DGKD: variants seen among roughly 807,000 people sequenced by gnomAD.
DGKD encodes the protein diacylglycerol kinase delta, also known as DAG kinase delta.
DGKD carries 68 observed loss-of-function variants against 154.4 expected under a neutral mutation model. The observed-to-expected ratio is 0.44, with a 90% CI of 0.36 to 0.54. The LOEUF (loss-of-function observed/expected upper bound fraction) is 0.54. DGKD is among the 20% of genes least tolerant of loss of function. The probability of loss-of-function intolerance (pLI) is 0.00; values close to 1 mark genes in which losing one functional copy is unlikely to be tolerated. For synonymous variants in DGKD, 693 were observed against 638.0 expected (o/e 1.09, Z -1.30); for missense variants, 1,343 against 1,593.6 (o/e 0.84, Z 2.68).
Position 233,463,683 on chromosome 2 carries a change from ATCACCTCACTCCACG to A in DGKD, c.3187-480_3187-466del, listed in dbSNP as rs1288729248. On this transcript the variant is annotated intron_variant, in intron 26 of 29. Transcript: ENST00000264057. ...CTGCACGCATCTCCTCACTCCACGCATCACCTCACTCCACGCATCACCTCACTCCACAGAAATCCT... is the reference window on the plus strand; with the variant it reads ...CTGCACGCATCTCCTCACTCCACGCACATCACCTCACTCCACAGAAATCCT... 13 of 198,388 alleles carry A rather than the reference ATCACCTCACTCCACG, an allele frequency of 6.6e-5. 1 individual carries two copies. The highest frequency in any genetic ancestry group is 3.0e-4 in the African/African-American group (13 of 43,034). 12.3% of individuals were successfully genotyped at this position (198,388 alleles called of 1,614,324 possible).
At chr2:233,450,475 A>T (rs984577990) in intron 16 of DGKD, among the ~76,000 whole-genome samples, 1 of 151,986 alleles carries the variant, frequency 6.6e-6, no homozygotes, top group Non-Finnish European at 1.5e-5. Flanking sequence ...TGGCAGAGGG[A>T]AGGCGGGTGG....
intron 29 of DGKD, 48 bp downstream of exon 29, chr2:233,468,601 A>G (rs2063901498): frequency 6.2e-7 from 1 of 1,608,520 alleles, no homozygotes; most frequent in Non-Finnish European, 8.5e-7. Context: ...GCTTGCACGC[A>G]GCTCCCTTCT....
At chr2:233,393,683 G>GTTTTT (rs528368593) in intron 3 of DGKD, among the ~76,000 whole-genome samples, 1 of 128,390 alleles carries the variant, frequency 7.8e-6, no homozygotes, top group Non-Finnish European at 1.7e-5. Flanking sequence ...ATGTGTATTG[G>GTTTTT]TTTTTTTTTT....
chr2:233,461,316 C>T (rs535053432), intron 24 of DGKD, among the ~76,000 whole-genome samples: 54 of 152,370 alleles, frequency 3.5e-4, no homozygotes, highest in African/African-American at 4.1e-4. Flanking sequence ...CAGGTGCACC[C>T]GTCGGTTTTG....
rs2063945509 is a variant in DGKD, at chr2:233,469,608, T to C, written c.*148T>C. The C allele has an allele frequency of 7.5e-6, 5 of 666,166 alleles. No individual in the cohort carries two copies. The highest frequency in any genetic ancestry group is 2.6e-6 in the Non-Finnish European group (1 of 388,638). 41.3% of individuals were successfully genotyped at this position (666,166 alleles called of 1,614,324 possible). On this transcript the variant is annotated 3_prime_UTR_variant, in exon 30 of 30. Coordinates refer to ENST00000264057, the MANE Select transcript of DGKD (RefSeq NM_152879.3). ...CCTTCTCATGGTGCTACTTCCTCTG[T>C]CAGCTACAGAAAGCCTCCGTGACAC...
chr2:233,366,352 G>T (rs1702029251), intron 1 of DGKD, among the ~76,000 whole-genome samples: 2 of 150,798 alleles, frequency 1.3e-5, no homozygotes, highest in African/African-American at 5.0e-5. Context: ...CTGTGCTGTG[G>T]CTGTGGCGAT....
chr2:233,391,273 G>A (rs706848), intron 3 of DGKD, among the ~76,000 whole-genome samples: 95,245 of 151,894 alleles, frequency 0.63, 30,638 homozygotes, highest in African/African-American at 0.79. Context: ...TAAATGCACA[G>A]AATCATGTGA....
chr2:233,389,573 TAAAA>T (rs34888206), intron 2 of DGKD, among the ~76,000 whole-genome samples: 1 of 143,150 alleles, frequency 7.0e-6, no homozygotes, highest in Non-Finnish European at 1.5e-5. Context: ...TTCCCTCAAT[TAAAA>T]AAAAAAAAAA....
chr2:233,385,372 T>C (rs1703117604), intron 1 of DGKD, among the ~76,000 whole-genome samples: 1 of 152,132 alleles, frequency 6.6e-6, no homozygotes, highest in Non-Finnish European at 1.5e-5. Context: ...GTGTCTTGCC[T>C]GTGTTTGCTG....
Position 233,457,503 on chromosome 2 carries a change from C to G in DGKD, c.2580+175C>G. 2.9e-6 allele frequency: 2 copies of G among 687,968 alleles called. No individual in the cohort carries two copies. Among genetic ancestry groups the G allele is most frequent in the East Asian group, 5.6e-5 (2 of 35,986 alleles). 42.6% of individuals were successfully genotyped at this position (687,968 alleles called of 1,614,324 possible). A position where few individuals can be genotyped will look rare whatever the true frequency, so the allele number is the denominator to read the frequency against. Reference sequence around the variant, plus strand: ...CCCACCCAGCTCATCGTCTAGAGGGCTGAGCAGAGCAGTTGTGTCAGTGAA... The same window carrying G: ...CCCACCCAGCTCATCGTCTAGAGGGGTGAGCAGAGCAGTTGTGTCAGTGAA... On this transcript the variant is annotated intron_variant, in intron 21 of 29. Transcript: ENST00000264057. This position sits in a 1 kb window ranked among gnomAD's most constrained non-coding sequence, Gnocchi z 5.5.
chr2:233,415,483 G>C (rs1016729593), intron 3 of DGKD, among the ~76,000 whole-genome samples: 7 of 152,150 alleles, frequency 4.6e-5, no homozygotes, highest in African/African-American at 1.7e-4. Context: ...ATTTTAGCTA[G>C]GCCCTGCCAG....
chr2:233,454,864 A>G lies in DGKD; in HGVS notation c.2366A>G (p.Glu789Gly), dbSNP rs2063404618. 1 of 1,611,490 alleles carries G rather than the reference A, an allele frequency of 6.2e-7. No homozygotes were observed. Among genetic ancestry groups the G allele is most frequent in the East Asian group, 2.2e-5 (1 of 44,886 alleles). The change falls in exon 19 of 30, where the codon GAG becomes GGG. Residue 789 changes from glutamate to glycine, a missense_variant. Physicochemically the swap from Glu to Gly is moderately conservative, Grantham distance 98. Transcript: ENST00000264057. ...AACAACAAGCGCGATGAGCACCCAGAGAAGTGCAGGTAGGTAACAGGCTCA... is the reference window on the plus strand; with the variant it reads ...AACAACAAGCGCGATGAGCACCCAGGGAAGTGCAGGTAGGTAACAGGCTCA... ...DFNNKRDEHP[E>G]KCRSRTKNMM...
At position 233,354,846 on chromosome 2, in the gene DGKD, C is replaced by T. The variant is rs1701466332; in HGVS notation, c.156+172C>T. On this transcript the variant is annotated intron_variant, in intron 1 of 29. Transcript: ENST00000264057. The surrounding 1 kb of genome is among the most constrained non-coding windows in gnomAD (Gnocchi z 4.8). The stretch of plus-strand genomic sequence containing the variant: ...CCCCGCCGCTGTAACGGGCCGGCGC[C>T]CCGGGCGGAGCGCGCGGCCCCCGAC... 2.8e-5 allele frequency among the ~76,000 whole-genome samples: 4 copies of T among 145,354 alleles called. No homozygotes were observed. Among genetic ancestry groups the T allele is most frequent in the Admixed American group, 2.7e-4 (4 of 14,722 alleles).
At chr2:233,455,329 C>T (rs1458638025) in intron 19 of DGKD, among the ~76,000 whole-genome samples, 3 of 152,184 alleles carry the variant, frequency 2.0e-5, no homozygotes, top group Non-Finnish European at 1.5e-5. Flanking sequence ...AAGACGGGAG[C>T]GTGGGAGCCC....
chr2:233,403,583 T>C (rs1304515348), intron 3 of DGKD, among the ~76,000 whole-genome samples: 1 of 151,466 alleles, frequency 6.6e-6, no homozygotes, highest in Non-Finnish European at 1.5e-5. Context: ...AAAAGTAAAA[T>C]AGGGAGAAAA....
Position 233,395,756 on chromosome 2 carries a change from A to G in DGKD, c.348+5273A>G, listed in dbSNP as rs1024410817. On this transcript the variant is annotated intron_variant, in intron 3 of 29. Transcript: ENST00000264057. ...TGATCACCATTTACCGCAGCCTTGA[A>G]ATATCAGGCTCAAGCGATCCACCGG... is the stretch of plus-strand genomic sequence containing the variant. Among the ~76,000 whole-genome samples the G allele has an allele frequency of 2.0e-5, 3 of 150,704 alleles. No homozygotes were observed. In the East Asian group the frequency reaches 5.9e-4, roughly 29 times the overall value.
At chr2:233,387,811 G>C (rs1703287190) in intron 1 of DGKD, among the ~76,000 whole-genome samples, 1 of 152,202 alleles carries the variant, frequency 6.6e-6, no homozygotes, top group Non-Finnish European at 1.5e-5. Context: ...GACGTAGACA[G>C]CTTTGGCAGC....
intron 3 of DGKD, among the ~76,000 whole-genome samples, chr2:233,432,211 G>A (rs970704272): frequency 1.0e-5 from 1 of 98,050 alleles, no homozygotes; most frequent in African/African-American, 3.8e-5. Flanking sequence ...CTAACACGGT[G>A]AAACCTCGTC....
In DGKD at chr2:233,435,804, C is replaced by G. The variant is rs1575114781; in HGVS notation, c.587-14C>G. The G allele has an allele frequency of 6.2e-7, 1 of 1,608,848 alleles. No homozygotes were observed. Among genetic ancestry groups the G allele is most frequent in the East Asian group, 2.2e-5 (1 of 44,636 alleles). On this transcript the variant is annotated splice_polypyrimidine_tract_variant and intron_variant, in intron 5 of 29. Coordinates refer to ENST00000264057, the MANE Select transcript of DGKD (RefSeq NM_152879.3). Reference sequence around the variant, plus strand: ...AGACACAGCTTGTAGGCTCATGTGCCCCTTCTCTCACAGTGTGCAAATTTA... The same window carrying G: ...AGACACAGCTTGTAGGCTCATGTGCGCCTTCTCTCACAGTGTGCAAATTTA...
Sources: gnomAD v4.1 joint callset for allele counts (sites outside exome capture counted in the v4.1 genomes callset) on GRCh38, gnomAD v4.1.1 for gene constraint, Gnocchi (gnomAD v3.1) non-coding constraint, MANE v1.5 for transcripts, NCBI Gene and HGNC (gene_info 2026-07-23, HGNC 2026-07-21) for gene names.